Variants in ADGRL2 observed in about 807,000 individuals in gnomAD.
The protein encoded by ADGRL2 is calcium-independent alpha-latrotoxin receptor 2.
In ADGRL2, 44 loss-of-function variants were observed where a neutral mutation model predicts 157.4. The ratio of observed to expected loss-of-function variants is 0.28; its 90% CI spans 0.22 to 0.36. The LOEUF is 0.36. ADGRL2 is among the 10% of genes least tolerant of loss of function. The pLI, the probability that ADGRL2 is intolerant of heterozygous loss-of-function variation, is 1.00. For missense variants in ADGRL2, 1,510 were observed against 1,768.9 expected (o/e 0.85, Z 2.63); for synonymous variants, 585 against 624.7 (o/e 0.94, Z 0.95).
In ADGRL2 at chr1:81,532,975, CT is replaced by C. The variant is rs1470620380; in HGVS notation, c.-247-47900del. Among the ~76,000 whole-genome samples the C allele has an allele frequency of 4.5e-4, 63 of 139,486 alleles. 1 individual carries two copies. In the East Asian group the frequency reaches 6.7e-3, roughly 15 times the overall value. 91.5% of individuals were successfully genotyped at this position (139,486 alleles called of 152,430 possible). On this transcript the variant is annotated intron_variant, in intron 2 of 24. Transcript: ENST00000370721. ...ATCTATCTATCTATCTATCTATCATCTATCTATCTATCTATCTATCCCAATG... is the reference window on the plus strand; with the variant it reads ...ATCTATCTATCTATCTATCTATCATCATCTATCTATCTATCTATCCCAATG...
At chr1:81,538,366 G>A (rs1443281886) in intron 2 of ADGRL2, among the ~76,000 whole-genome samples, 1 of 152,118 alleles carries the variant, frequency 6.6e-6, no homozygotes, top group Non-Finnish European at 1.5e-5. Flanking sequence ...TTCAACTGTG[G>A]CTTTCATCTC....
intron 2 of ADGRL2, among the ~76,000 whole-genome samples, chr1:81,490,602 A>T (rs759333173): frequency 1.3e-5 from 2 of 152,204 alleles, no homozygotes; most frequent in African/African-American, 4.8e-5. Flanking sequence ...CTACAGTGGG[A>T]TACTACTAAC....
At chr1:81,967,299 T>C (rs1348783337) in intron 13 of ADGRL2, among the ~76,000 whole-genome samples, 1 of 151,854 alleles carries the variant, frequency 6.6e-6, no homozygotes, top group Non-Finnish European at 1.5e-5. Flanking sequence ...TCTCGCTCTG[T>C]TGCCCAGTCT....
In ADGRL2 at chr1:81,907,109, G is replaced by A; in HGVS notation, c.166G>A (p.Val56Ile). 6.2e-7 allele frequency: 1 copy of A among 1,614,134 alleles called. No individual in the cohort carries two copies. Among genetic ancestry groups the A allele is most frequent in the South Asian group, 1.1e-5 (1 of 91,086 alleles). The stretch of plus-strand genomic sequence containing the variant: ...AGATCTGCGATGCCCGGGCAGTGAT[G>A]TCATCATGATTGAGAGCGCTAACTA... ...SIDLRCPGSDVIMIESANYGR... is the reference protein window; with the variant it reads ...SIDLRCPGSDIIMIESANYGR... The change falls in exon 3 of 24, where the codon GTC (valine) becomes ATC (isoleucine). Residue 56 changes from valine (V) to isoleucine (I), a missense_variant. Val to Ile is a conservative substitution (Grantham distance 29). Around this residue, in one of 4 missense-constraint regions of ADGRL2, gnomAD observed 361 missense variants for 498.4 expected, o/e 0.72. Coordinates refer to ENST00000686636, the MANE Select transcript of ADGRL2 (RefSeq NM_001366006.2).
chr1:81,377,971 G>A (rs996528381), intron 1 of ADGRL2, among the ~76,000 whole-genome samples: 1 of 152,098 alleles, frequency 6.6e-6, no homozygotes, highest in East Asian at 1.9e-4. Flanking sequence ...ACGAGGTCAA[G>A]AGATCGAGAT....
rs1322158439 is a variant in ADGRL2, at chr1:81,950,290, G to T, written c.1312G>T (p.Val438Leu). 1 of 1,614,018 alleles carries T rather than the reference G, an allele frequency of 6.2e-7. No individual in the cohort carries two copies. The highest frequency in any genetic ancestry group is 2.2e-5 in the East Asian group (1 of 44,860). The change falls in exon 7 of 24, where the codon GTA becomes TTA. Residue 438 changes from valine to leucine, a missense_variant. By Grantham distance (32) the Val-to-Leu change is conservative. Around this residue, in one of 4 missense-constraint regions of ADGRL2, gnomAD observed 325 missense variants for 333.2 expected, o/e 0.98. Coordinates refer to ENST00000686636, the MANE Select transcript of ADGRL2 (RefSeq NM_001366006.2). The part of the protein sequence containing the change: ...TSQKGPMSTT[V>L]AGSQEGSKGT... The stretch of plus-strand genomic sequence containing the variant: ...ACAGAAAGGCCCCATGAGCACAACT[G>T]TAGCTGGATCACAGGAAGGAAGCAA...
chr1:81,464,716 A>G (rs919349782), intron 2 of ADGRL2, among the ~76,000 whole-genome samples: 2 of 152,158 alleles, frequency 1.3e-5, no homozygotes, highest in Non-Finnish European at 2.9e-5. Context: ...GTATAGCTCT[A>G]AGTTTTAAAA....
intron 1 of ADGRL2, among the ~76,000 whole-genome samples, chr1:81,373,130 C>T (rs1211669670): frequency 2.0e-5 from 3 of 152,128 alleles, no homozygotes. Flanking sequence ...TGGTAAATAT[C>T]TAGTTGGTGG....
At chr1:81,357,261 A>G (rs1032609490) in intron 1 of ADGRL2, among the ~76,000 whole-genome samples, 7 of 152,076 alleles carry the variant, frequency 4.6e-5, no homozygotes, top group South Asian at 4.1e-4. Context: ...ATAGCCTATG[A>G]AAAATTAATA....
At chr1:81,749,744 T>C (rs1003699034) in intron 1 of ADGRL2, among the ~76,000 whole-genome samples, 1 of 152,224 alleles carries the variant, frequency 6.6e-6, no homozygotes, top group Non-Finnish European at 1.5e-5. Context: ...AGTTTCATAG[T>C]CTTTTTTAGG....
At chr1:81,923,505 TCAGAGTATCCC>T (rs1438570650) in intron 3 of ADGRL2, among the ~76,000 whole-genome samples, 1 of 152,164 alleles carries the variant, frequency 6.6e-6, no homozygotes, top group Non-Finnish European at 1.5e-5. Flanking sequence ...GCTCTACTGC[TCAGAGTATCCC>T]AAGAGTCTAT....
intron 1 of ADGRL2, among the ~76,000 whole-genome samples, chr1:81,355,484 A>T (rs1225238815): frequency 6.6e-6 from 1 of 152,214 alleles, no homozygotes; most frequent in Non-Finnish European, 1.5e-5. Context: ...ACTTGTGTCA[A>T]TCCAAAAAAG....
At chr1:81,393,396 T>C (rs1302918441) in intron 1 of ADGRL2, among the ~76,000 whole-genome samples, 1 of 151,214 alleles carries the variant, frequency 6.6e-6, no homozygotes, top group Admixed American at 6.6e-5. Context: ...TAGAATGTCA[T>C]GAGAGGCATT....
intron 1 of ADGRL2, among the ~76,000 whole-genome samples, chr1:81,370,402 T>C (rs1452451882): frequency 6.6e-6 from 1 of 152,148 alleles, no homozygotes; most frequent in Non-Finnish European, 1.5e-5. Context: ...CAGAAAATCA[T>C]CCTAATTTTA....
intron 2 of ADGRL2, among the ~76,000 whole-genome samples, chr1:81,905,146 A>G (rs1157889773): frequency 6.7e-6 from 1 of 149,742 alleles, no homozygotes. Flanking sequence ...TGCCCAAGCT[A>G]GAGTGCAGTG....
chr1:81,459,661 C>G (rs567450539), intron 2 of ADGRL2, among the ~76,000 whole-genome samples: 136 of 151,948 alleles, frequency 9.0e-4, no homozygotes, highest in Non-Finnish European at 1.4e-3. Flanking sequence ...CTTTAAGATT[C>G]TGATTTTATT....
chr1:81,564,933 C>A (rs930424658), intron 2 of ADGRL2, among the ~76,000 whole-genome samples: 2 of 152,152 alleles, frequency 1.3e-5, no homozygotes, highest in Non-Finnish European at 2.9e-5. Context: ...AATGAACATG[C>A]CAACCTCCAG....
At chr1:81,833,952 T>A (rs2092121217) in intron 1 of ADGRL2, among the ~76,000 whole-genome samples, 1 of 152,096 alleles carries the variant, frequency 6.6e-6, no homozygotes, top group Admixed American at 6.6e-5. Context: ...TGGTTTGTGG[T>A]TTATAGGAAC....
intron 2 of ADGRL2, among the ~76,000 whole-genome samples, chr1:81,504,289 C>G (rs995342653): frequency 3.9e-5 from 6 of 152,102 alleles, no homozygotes; most frequent in Non-Finnish European, 5.9e-5. Context: ...TCAGCCCTCC[C>G]CAGTCCTCCC....
Sources: allele counts gnomAD v4.1 joint callset (sites outside exome capture counted in the v4.1 genomes callset), GRCh38; gene constraint gnomAD v4.1.1; regional missense constraint gnomAD v4.1.1; transcripts MANE v1.5; gene names NCBI Gene and HGNC (gene_info 2026-07-23, HGNC 2026-07-21).